Variants in BIRC6 observed in about 807,000 individuals in gnomAD.
The protein encoded by BIRC6 is dual E2 ubiquitin-conjugating enzyme/E3 ubiquitin-protein ligase BIRC6.
Under a neutral mutation model 503.3 loss-of-function variants are expected in BIRC6, and 98 were observed. The ratio of observed to expected loss-of-function variants is 0.19; its 90% CI spans 0.17 to 0.23. BIRC6 has a LOEUF of 0.23. Among genes scored for constraint, BIRC6 ranks in the 10% least tolerant of loss-of-function variants. The pLI, the probability that BIRC6 is intolerant of heterozygous loss-of-function variation, is 1.00. For missense variants in BIRC6, 5,360 were observed against 5,806.0 expected, an observed-to-expected ratio of 0.92 and a Z score of 2.50; for synonymous variants, 2,240 against 2,078.7, an observed-to-expected ratio of 1.08 and a Z score of -2.11.
intron 49 of BIRC6, among the ~76,000 whole-genome samples, chr2:32,504,601 A>G (rs2053593355): frequency 6.6e-6 from 1 of 152,114 alleles, no homozygotes; most frequent in Admixed American, 6.6e-5. Context: ...TGGGAGGCGG[A>G]GCTTGCAGTG....
At chr2:32,464,482 T>C in intron 24 of BIRC6, 27 bp from the exon 25 acceptor site, 1 of 1,540,066 alleles carries the variant, frequency 6.5e-7, no homozygotes, top group Non-Finnish European at 8.8e-7. Flanking sequence ...GATTAGTCTA[T>C]ATATGTTGCT....
chr2:32,486,154 A>C (rs1296062891), intron 40 of BIRC6, among the ~76,000 whole-genome samples: 1 of 152,236 alleles, frequency 6.6e-6, no homozygotes, highest in African/African-American at 2.4e-5. Context: ...ACTAGGATAG[A>C]GAATATAGTG....
At chr2:32,606,509 C>T (rs956118825) in intron 71 of BIRC6, among the ~76,000 whole-genome samples, 10 of 152,212 alleles carry the variant, frequency 6.6e-5, no homozygotes, top group Admixed American at 6.5e-4. Context: ...AGGAGAATCA[C>T]TTGGACCCAG....
chr2:32,406,533 C>T lies in BIRC6; in HGVS notation c.1453C>T (p.His485Tyr). 1 of 1,609,630 alleles carries T rather than the reference C, an allele frequency of 6.2e-7. No individual in the cohort carries two copies. The highest frequency in any genetic ancestry group is 8.5e-7 in the Non-Finnish European group (1 of 1,177,052). Residue 485 changes from histidine to tyrosine, a missense_variant, in exon 9 of 74, where the codon CAT (histidine) becomes TAT (tyrosine). By Grantham distance (83) the His-to-Tyr change is moderately conservative (BLOSUM62 2). Around this residue, in one of 16 missense-constraint regions of BIRC6, gnomAD observed 700 missense variants for 739.3 expected, o/e 0.95. Transcript: ENST00000421745. ...ACTGGAGGATTCAGACAGTGAAGAG[C>T]ATTCCAGATCAGATTCTGTGACAGG... ...DLLEDSDSEE[H>Y]SRSDSVTGHT...
At chr2:32,522,747 C>A (rs903209145) in intron 57 of BIRC6, 3 of 152,152 alleles carry the variant, frequency 2.0e-5, no homozygotes, top group African/African-American at 7.2e-5. Context: ...GGTTGCTTGC[C>A]CTGCTACTTT....
At position 32,467,607 on chromosome 2, in the gene BIRC6, C is replaced by T. The variant is rs186362972; in HGVS notation, c.5439C>T (p.Ala1813=). 8 of 1,613,914 alleles carry T rather than the reference C, an allele frequency of 5.0e-6. No homozygotes were observed. The East Asian group carries it at 1.6e-4, about 31-fold the overall frequency. ...TGATTCCCACTTGTGGAGACTTGGCCTCTTTGTCAATTGACATTTGGACAT... is the reference window on the plus strand; with the variant it reads ...TGATTCCCACTTGTGGAGACTTGGCTTCTTTGTCAATTGACATTTGGACAT... ...DVLIPTCGDL[A]SLSIDIWTLG... Residue 1813 remains alanine (A), a synonymous_variant, in exon 27 of 74, where the codon GCC becomes GCT. Coordinates refer to ENST00000421745, the MANE Select transcript of BIRC6 (RefSeq NM_016252.4).
intron 56 of BIRC6, 21 bp downstream of exon 56, chr2:32,518,418 C>G (rs753438412): frequency 1.3e-6 from 2 of 1,595,940 alleles, no homozygotes; most frequent in African/African-American, 1.4e-5. Flanking sequence ...AACACTTAAT[C>G]ATTGGCTGTG....
At chr2:32,617,662 G>T in intron 73 of BIRC6, 63 bp from the exon 74 acceptor site, 3 of 1,491,532 alleles carry the variant, frequency 2.0e-6, no homozygotes, top group East Asian at 2.3e-5. Flanking sequence ...TTCAGTTCCT[G>T]CCTCAAATGA....
At chr2:32,549,526 T>A (rs760828318) in intron 65 of BIRC6, 45 bp downstream of exon 65, 1 of 1,307,014 alleles carries the variant, frequency 7.7e-7, no homozygotes, top group Admixed American at 2.7e-5. Flanking sequence ...TAATTTTGTT[T>A]GCTTATTTTA....
intron 9 of BIRC6, among the ~76,000 whole-genome samples, chr2:32,409,933 G>A (rs995213743): frequency 1.3e-5 from 2 of 152,166 alleles, no homozygotes; most frequent in African/African-American, 4.8e-5. Flanking sequence ...TGAGTAGAAT[G>A]TATAGTTTAT....
rs776298375 is a variant in BIRC6, at chr2:32,482,436, G to A, written c.7550G>A (p.Ser2517Asn). The change falls in exon 39 of 74, where the codon AGC becomes AAC. Residue 2517 changes from serine to asparagine, a missense_variant. By Grantham distance (46) the Ser-to-Asn change is conservative (BLOSUM62 1). Transcript: ENST00000421745. ...PLAAKVFKPI[S>N]STWYDYWGAD... is the part of the protein sequence containing the mutation. ...TTTTTCCATTCTTTTAAGCCAATAA[G>A]CAGTACATGGTATGATTATTGGGGT... 2 of 1,612,734 alleles carry A rather than the reference G, an allele frequency of 1.2e-6. No individual in the cohort carries two copies. Among genetic ancestry groups the A allele is most frequent in the African/African-American group, 2.7e-5 (2 of 74,852 alleles).
At chr2:32,377,354 A>G (rs2036959192) in intron 1 of BIRC6, among the ~76,000 whole-genome samples, 1 of 151,988 alleles carries the variant, frequency 6.6e-6, no homozygotes, top group Non-Finnish European at 1.5e-5. Flanking sequence ...ATGTTCTTTT[A>G]TAATAGCAAT....
chr2:32,429,627 A>G (rs2043883234), intron 11 of BIRC6, among the ~76,000 whole-genome samples: 1 of 152,146 alleles, frequency 6.6e-6, no homozygotes, highest in Admixed American at 6.5e-5. Context: ...TTTAGGTGGT[A>G]TATTCACACA....
chr2:32,449,569 G>T (rs1184162245), intron 22 of BIRC6, among the ~76,000 whole-genome samples: 1 of 151,836 alleles, frequency 6.6e-6, no homozygotes, highest in Non-Finnish European at 1.5e-5. Flanking sequence ...GATGTTGTTA[G>T]GATACAAAAA....
At chr2:32,496,042 C>T (rs908924401) in intron 45 of BIRC6, among the ~76,000 whole-genome samples, 3 of 151,778 alleles carry the variant, frequency 2.0e-5, no homozygotes, top group African/African-American at 7.3e-5. Flanking sequence ...GGGGTTTCAC[C>T]GTGTTAGCCA....
In BIRC6 at chr2:32,357,128, C is replaced by G; in HGVS notation, c.-34C>G. The G allele has an allele frequency of 6.9e-7, 1 of 1,450,932 alleles. No individual in the cohort carries two copies. Among genetic ancestry groups the G allele is most frequent in the Non-Finnish European group, 9.0e-7 (1 of 1,114,752 alleles). 89.9% of individuals were successfully genotyped at this position (1,450,932 alleles called of 1,614,324 possible). On this transcript the variant is annotated 5_prime_UTR_variant, in exon 1 of 74. Coordinates refer to ENST00000421745, the MANE Select transcript of BIRC6 (RefSeq NM_016252.4). This position sits in a 1 kb window ranked among gnomAD's most constrained non-coding sequence, Gnocchi z 4.9. ...GCGTGCGGGCGCCTGACTTCACTTC[C>G]GGCTAACGCGCTCGGCTTGCCCCCT...
intron 20 of BIRC6, among the ~76,000 whole-genome samples, chr2:32,444,055 A>G (rs574710105): frequency 5.7e-4 from 80 of 141,436 alleles, no homozygotes; most frequent in African/African-American, 1.9e-3. Flanking sequence ...TTTTTAAAGC[A>G]CCTGAGGACT....
chr2:32,531,833 G>A (rs2150033290), intron 61 of BIRC6, among the ~76,000 whole-genome samples: 1 of 152,212 alleles, frequency 6.6e-6, no homozygotes, highest in Non-Finnish European at 1.5e-5. Flanking sequence ...TCTTTTCTAT[G>A]CTGCTTTAAG....
At chr2:32,560,922 G>A (rs1427587184) in intron 65 of BIRC6, among the ~76,000 whole-genome samples, 2 of 151,764 alleles carry the variant, frequency 1.3e-5, no homozygotes, top group Admixed American at 6.6e-5. Flanking sequence ...CAAGTAGGCC[G>A]GGGGCGGTGG....
Sources: gnomAD v4.1 joint callset for allele counts (sites outside exome capture counted in the v4.1 genomes callset) on GRCh38, gnomAD v4.1.1 for gene constraint, gnomAD v4.1.1 regional missense constraint, Gnocchi (gnomAD v3.1) non-coding constraint, MANE v1.5 for transcripts, NCBI Gene and HGNC (gene_info 2026-07-23, HGNC 2026-07-21) for gene names.